HDAC9: variants seen among roughly 807,000 people sequenced by gnomAD.
HDAC9 encodes MEF-2 interacting transcription repressor (MITR) protein.
HDAC9 carries 41 observed loss-of-function variants against 139.4 expected under a neutral mutation model. The observed-to-expected ratio is 0.29, with a 90% CI of 0.23 to 0.38. The LOEUF (loss-of-function observed/expected upper bound fraction) is 0.38, where lower values mean the gene tolerates loss of function less well. Ranked by LOEUF, HDAC9 falls within the 10% of genes least tolerant of loss-of-function variation. HDAC9 has a pLI of 1.00. For missense variants in HDAC9, 1,147 were observed against 1,297.0 expected, an observed-to-expected ratio of 0.88 and a Z score of 1.78; for synonymous variants, 517 against 476.2, an observed-to-expected ratio of 1.09 and a Z score of -1.12.
chr7:18,655,332 C>G (rs1289147422), intron 11 of HDAC9, among the ~76,000 whole-genome samples: 1 of 152,036 alleles, frequency 6.6e-6, no homozygotes, highest in Non-Finnish European at 1.5e-5. Context: ...GAAAGGCAGT[C>G]TTAATTTTAT....
intron 1 of HDAC9, among the ~76,000 whole-genome samples, chr7:18,433,878 T>G (rs1790916964): frequency 6.6e-6 from 1 of 152,146 alleles, no homozygotes; most frequent in South Asian, 2.1e-4. Context: ...GCTATTCCTG[T>G]CAAACTACCA....
chr7:18,767,765 T>C (rs965279582), intron 16 of HDAC9, among the ~76,000 whole-genome samples: 2 of 152,144 alleles, frequency 1.3e-5, no homozygotes, highest in Non-Finnish European at 2.9e-5. Flanking sequence ...TTAGAACATA[T>C]CCTATAACCT....
At chr7:18,441,848 A>G (rs1791795737) in intron 1 of HDAC9, among the ~76,000 whole-genome samples, 1 of 152,120 alleles carries the variant, frequency 6.6e-6, no homozygotes, top group African/African-American at 2.4e-5. Context: ...GCTCACTGCA[A>G]GCTCCGCCTC....
chr7:18,955,551 T>A (rs1033906845), intron 24 of HDAC9, among the ~76,000 whole-genome samples: 8 of 152,192 alleles, frequency 5.3e-5, no homozygotes, highest in African/African-American at 1.9e-4. Flanking sequence ...TCTGAGCATA[T>A]CACTTCAATA....
chr7:18,126,743 G>C (rs1417799690), intron 1 of HDAC9, among the ~76,000 whole-genome samples: 1 of 152,114 alleles, frequency 6.6e-6, no homozygotes, highest in Non-Finnish European at 1.5e-5. Flanking sequence ...TTCTGAGAGT[G>C]AGGGGTTTAC....
chr7:18,650,293 A>AT (rs2129036168), intron 11 of HDAC9, among the ~76,000 whole-genome samples: 1 of 152,250 alleles, frequency 6.6e-6, no homozygotes, highest in South Asian at 2.1e-4. Flanking sequence ...TTGATCTAGA[A>AT]TTAGGTTTGT....
At chr7:18,332,335 T>A (rs1466711414) in intron 1 of HDAC9, among the ~76,000 whole-genome samples, 1 of 150,930 alleles carries the variant, frequency 6.6e-6, no homozygotes, top group Non-Finnish European at 1.5e-5. Flanking sequence ...TCCAAGTGTC[T>A]GTGAATTGTG....
chr7:18,969,456 T>G (rs1784107683), intron 24 of HDAC9, among the ~76,000 whole-genome samples: 1 of 152,234 alleles, frequency 6.6e-6, no homozygotes, highest in South Asian at 2.1e-4. Flanking sequence ...TCAAATAATA[T>G]GACAAAATCC....
At chr7:18,737,599 T>C (rs1191808277) in intron 13 of HDAC9, among the ~76,000 whole-genome samples, 11 of 152,236 alleles carry the variant, frequency 7.2e-5, no homozygotes, top group Admixed American at 1.3e-4. Context: ...TGAGTTCTAA[T>C]TTGATTGCAC....
At chr7:18,728,700 T>A (rs1049087222) in intron 13 of HDAC9, among the ~76,000 whole-genome samples, 1 of 152,198 alleles carries the variant, frequency 6.6e-6, no homozygotes, top group African/African-American at 2.4e-5. Flanking sequence ...AGCTTGTTTT[T>A]GTGGCTTCTG....
intron 1 of HDAC9, 116 bp downstream of exon 1, chr7:18,496,139 A>G (rs1796877516): frequency 7.1e-7 from 1 of 1,406,566 alleles, no homozygotes; most frequent in Non-Finnish European, 9.8e-7. Context: ...AGGAGGGAGA[A>G]CCAGCGAGGG....
At chr7:18,446,086 C>T (rs1792266019) in intron 1 of HDAC9, among the ~76,000 whole-genome samples, 1 of 152,116 alleles carries the variant, frequency 6.6e-6, no homozygotes. Context: ...TGGCAAAGGC[C>T]TTTGTCGTCT....
At chr7:18,240,730 A>G (rs1014774174) in intron 2 of HDAC9, among the ~76,000 whole-genome samples, 2 of 152,170 alleles carry the variant, frequency 1.3e-5, no homozygotes, top group African/African-American at 4.8e-5. Flanking sequence ...ACGGTTCTAT[A>G]AGTGATATGC....
At chr7:18,813,871 T>A (rs1312828393) in intron 17 of HDAC9, among the ~76,000 whole-genome samples, 2 of 152,218 alleles carry the variant, frequency 1.3e-5, no homozygotes, top group Admixed American at 6.5e-5. Context: ...TACCAAGACC[T>A]GTCAGCTAGT....
At chr7:18,155,773 AGGTG>A (rs1239188365) in intron 1 of HDAC9, among the ~76,000 whole-genome samples, 2 of 152,198 alleles carry the variant, frequency 1.3e-5, no homozygotes, top group Non-Finnish European at 2.9e-5. Flanking sequence ...TTGGCAGTGC[AGGTG>A]GGGAGTGAAA....
intron 1 of HDAC9, among the ~76,000 whole-genome samples, chr7:18,347,584 ATTTAT>A (rs911661286): frequency 3.3e-5 from 5 of 152,088 alleles, no homozygotes; most frequent in African/African-American, 4.8e-5. Context: ...ACATGTTCTT[ATTTAT>A]TTTATTTTAT....
intron 22 of HDAC9, among the ~76,000 whole-genome samples, chr7:18,918,200 G>T: frequency 6.6e-6 from 1 of 151,980 alleles, no homozygotes; most frequent in East Asian, 1.9e-4. Flanking sequence ...AGTGATAATG[G>T]GTATAACTGT....
At chr7:18,344,635 G>T (rs1449846070) in intron 1 of HDAC9, among the ~76,000 whole-genome samples, 1 of 151,888 alleles carries the variant, frequency 6.6e-6, no homozygotes, top group Non-Finnish European at 1.5e-5. Flanking sequence ...AGGGAAGATA[G>T]AATCCACATA....
intron 1 of HDAC9, among the ~76,000 whole-genome samples, chr7:18,316,097 T>C (rs1355532506): frequency 1.3e-5 from 2 of 152,204 alleles, no homozygotes; most frequent in African/African-American, 4.8e-5. Flanking sequence ...AAATGTTAAG[T>C]ACCTGTGAAG....
Sources: gnomAD v4.1 joint callset for allele counts (sites outside exome capture counted in the v4.1 genomes callset) on GRCh38, gnomAD v4.1.1 for gene constraint, MANE v1.5 for transcripts, NCBI Gene and HGNC (gene_info 2026-07-23, HGNC 2026-07-21) for gene names.